The following SGMS1 variants were observed in gnomAD, a reference collection of about 807,000 sequenced individuals.
The protein encoded by SGMS1 is sphingomyelin synthase 1, also known as phosphatidylcholine:ceramide cholinephosphotransferase 1.
A neutral mutation model predicts 46.2 loss-of-function variants in SGMS1; 13 were observed. The observed-to-expected ratio is 0.28, with a 90% CI of 0.18 to 0.45. The LOEUF (loss-of-function observed/expected upper bound fraction) is 0.45, where lower values mean the gene tolerates loss of function less well. SGMS1 is among the 20% of genes least tolerant of loss of function. The pLI, the probability that SGMS1 is intolerant of heterozygous loss-of-function variation, is 1.00. For synonymous variants in SGMS1, 203 were observed against 187.8 expected, an observed-to-expected ratio of 1.08 and a Z score of -0.66; for missense variants, 324 against 519.9, an observed-to-expected ratio of 0.62 and a Z score of 3.66.
chr10:50,390,800 C>A (rs1383452628), intron 6 of SGMS1, among the ~76,000 whole-genome samples: 2 of 152,162 alleles, frequency 1.3e-5, no homozygotes, highest in Admixed American at 6.5e-5. Context: ...TTTACTGTAT[C>A]AAGTATCTTG....
intron 2 of SGMS1, among the ~76,000 whole-genome samples, chr10:50,564,202 AAC>A (rs1466879908): frequency 1.3e-5 from 2 of 152,186 alleles, no homozygotes; most frequent in Non-Finnish European, 2.9e-5. Context: ...TGAGACAGAA[AAC>A]ACATGCTGCA....
In SGMS1 at chr10:50,343,828, C is replaced by T. The variant is rs1429345780; in HGVS notation, c.287G>A (p.Gly96Asp). ...NIGVDIPTPDGSFSIKIKPNG... is the reference protein window; with the variant it reads ...NIGVDIPTPDDSFSIKIKPNG... ...GGGTTTAATCTTGATGCTGAAGCTGCCGTCGGGGGTGGGGATGTCTACGCC... is the reference window on the plus strand; with the variant it reads ...GGGTTTAATCTTGATGCTGAAGCTGTCGTCGGGGGTGGGGATGTCTACGCC... The change falls in exon 7 of 11, where the codon GGC becomes GAC. Residue 96 changes from glycine to aspartate, a missense_variant. Gly to Asp is a moderately conservative substitution (Grantham distance 94, BLOSUM62 -1). Coordinates refer to ENST00000361781, the MANE Select transcript of SGMS1 (RefSeq NM_147156.4). 1 of 1,614,142 alleles carries T rather than the reference C, an allele frequency of 6.2e-7. No individual in the cohort carries two copies. Among genetic ancestry groups the T allele is most frequent in the Non-Finnish European group, 8.5e-7 (1 of 1,180,030 alleles).
intron 3 of SGMS1, among the ~76,000 whole-genome samples, chr10:50,479,997 T>C (rs953388949): frequency 6.6e-6 from 1 of 152,204 alleles, no homozygotes; most frequent in Admixed American, 6.5e-5. Context: ...TAAAACTCAT[T>C]TCATTAATTA....
At chr10:50,411,719 T>A (rs1849103391) in intron 6 of SGMS1, among the ~76,000 whole-genome samples, 1 of 152,196 alleles carries the variant, frequency 6.6e-6, no homozygotes, top group Non-Finnish European at 1.5e-5. Context: ...TTCAGTTTGG[T>A]TTGAGTATCA....
intron 3 of SGMS1, among the ~76,000 whole-genome samples, chr10:50,482,788 A>C (rs1837488386): frequency 6.6e-6 from 1 of 152,188 alleles, no homozygotes; most frequent in Non-Finnish European, 1.5e-5. Context: ...GTCATGACCC[A>C]TCTGTGCACT....
chr10:50,500,861 T>C (rs1222638698), intron 3 of SGMS1, among the ~76,000 whole-genome samples: 1 of 152,236 alleles, frequency 6.6e-6, no homozygotes, highest in African/African-American at 2.4e-5. Context: ...TTCTTTCTGT[T>C]GCAATCATTG....
intron 2 of SGMS1, among the ~76,000 whole-genome samples, chr10:50,538,066 G>C (rs539957513): frequency 6.6e-6 from 1 of 151,262 alleles, no homozygotes; most frequent in African/African-American, 2.4e-5. Flanking sequence ...ATTATGCCAC[G>C]GCACTCCAGC....
chr10:50,391,857 AAG>A, intron 6 of SGMS1, among the ~76,000 whole-genome samples: 1 of 151,580 alleles, frequency 6.6e-6, no homozygotes, highest in Non-Finnish European at 1.5e-5. Flanking sequence ...AAAAAAAAAA[AAG>A]AATGAGATCA....
chr10:50,355,888 C>T (rs1046992471), intron 6 of SGMS1, among the ~76,000 whole-genome samples: 4 of 152,100 alleles, frequency 2.6e-5, no homozygotes, highest in Non-Finnish European at 4.4e-5. Context: ...CAGCCGCGAC[C>T]CCGTCTGGGA....
intron 1 of SGMS1, among the ~76,000 whole-genome samples, chr10:50,593,107 T>C (rs1166099317): frequency 2.0e-5 from 3 of 152,182 alleles, no homozygotes; most frequent in Admixed American, 1.3e-4. Flanking sequence ...GAGGACACGC[T>C]CAAGAAGCTC....
intron 2 of SGMS1, among the ~76,000 whole-genome samples, chr10:50,563,102 C>G (rs1252072222): frequency 6.6e-6 from 1 of 152,300 alleles, no homozygotes; most frequent in South Asian, 2.1e-4. Context: ...ATTTCATTAA[C>G]GAACTAGTAA....
intron 3 of SGMS1, among the ~76,000 whole-genome samples, chr10:50,492,328 C>G (rs971426190): frequency 6.6e-6 from 1 of 152,120 alleles, no homozygotes; most frequent in Non-Finnish European, 1.5e-5. Flanking sequence ...GGCAATCAGG[C>G]AAGAGAAAGA....
At chr10:50,369,050 T>C (rs1848394325) in intron 6 of SGMS1, among the ~76,000 whole-genome samples, 1 of 152,148 alleles carries the variant, frequency 6.6e-6, no homozygotes. Context: ...TAGCTTTCAA[T>C]AAATTATGAT....
At chr10:50,537,854 G>A (rs1838017260) in intron 2 of SGMS1, among the ~76,000 whole-genome samples, 1 of 152,094 alleles carries the variant, frequency 6.6e-6, no homozygotes, top group East Asian at 1.9e-4. Flanking sequence ...CACTGTGAGA[G>A]CACAAAAGCC....
chr10:50,580,079 C>T (rs1176575288), intron 2 of SGMS1, among the ~76,000 whole-genome samples: 1 of 152,132 alleles, frequency 6.6e-6, no homozygotes, highest in East Asian at 1.9e-4. Flanking sequence ...AAGGAAAACA[C>T]AATTTGTGTG....
At chr10:50,588,721 A>ATTTTTTTTTTTTTTTTTTTT in intron 2 of SGMS1, among the ~76,000 whole-genome samples, 1 of 92,220 alleles carries the variant, frequency 1.1e-5, no homozygotes, top group Non-Finnish European at 2.1e-5. Flanking sequence ...GACTGATCTA[A>ATTTTTTTTTTTTTTTTTTTT]TTTTTTTTTT....
intron 6 of SGMS1, among the ~76,000 whole-genome samples, chr10:50,346,673 T>C (rs1847917829): frequency 6.6e-6 from 1 of 152,054 alleles, no homozygotes; most frequent in African/African-American, 2.4e-5. Context: ...CCTTTTCCTA[T>C]AGGACTCATC....
chr10:50,557,685 C>CA (rs5784835), intron 2 of SGMS1, among the ~76,000 whole-genome samples: 14,144 of 114,802 alleles, frequency 0.12, 839 homozygotes, highest in Middle Eastern at 0.25. Context: ...ACTCTAACAG[C>CA]AAAAAAAAAA....
At chr10:50,545,878 C>T (rs1260954882) in intron 2 of SGMS1, among the ~76,000 whole-genome samples, 2 of 152,190 alleles carry the variant, frequency 1.3e-5, no homozygotes, top group Non-Finnish European at 2.9e-5. Flanking sequence ...TAGACCATAT[C>T]AGCCTCATAG....
Sources: gnomAD v4.1 joint callset for allele counts (sites outside exome capture counted in the v4.1 genomes callset) on GRCh38, gnomAD v4.1.1 for gene constraint, MANE v1.5 for transcripts, NCBI Gene and HGNC (gene_info 2026-07-23, HGNC 2026-07-21) for gene names.